RAB11FIP4: variants seen among roughly 807,000 people sequenced by gnomAD.
The protein encoded by RAB11FIP4 is rab11 family-interacting protein 4.
RAB11FIP4 carries 23 observed loss-of-function variants against 74.3 expected under a neutral mutation model. That is an observed-to-expected ratio of 0.31 (90% CI 0.22 to 0.44). RAB11FIP4 has a LOEUF of 0.44. Ranked by LOEUF, RAB11FIP4 falls within the 20% of genes least tolerant of loss-of-function variation. The probability of loss-of-function intolerance (pLI) is 1.00; values close to 1 mark genes in which losing one functional copy is unlikely to be tolerated. For missense variants in RAB11FIP4, 630 were observed against 863.9 expected (o/e 0.73, Z 3.39); for synonymous variants, 360 against 359.9 (o/e 1.00, Z 0.00).
chr17:31,458,918 C>T lies in RAB11FIP4; in HGVS notation c.336+24796C>T, dbSNP rs549706844. ...CCCAGGAGCTGAAGACCTGTGGCTACATGCACAGTCATGTGTGTGAATCTG... is the reference window on the plus strand; with the variant it reads ...CCCAGGAGCTGAAGACCTGTGGCTATATGCACAGTCATGTGTGTGAATCTG... On this transcript the variant is annotated intron_variant, in intron 3 of 14. Coordinates refer to ENST00000621161, the MANE Select transcript of RAB11FIP4 (RefSeq NM_032932.6). 2.4e-4 allele frequency among the ~76,000 whole-genome samples: 37 copies of T among 152,314 alleles called. 1 individual carries two copies. In the South Asian group the frequency reaches 7.5e-3, roughly 31 times the overall value.
chr17:31,507,347 C>T (rs1567682448), intron 3 of RAB11FIP4, among the ~76,000 whole-genome samples: 2 of 152,120 alleles, frequency 1.3e-5, no homozygotes, highest in South Asian at 2.1e-4. Context: ...CACATCCTTG[C>T]CAGCATTTGT....
chr17:31,434,131 T>C lies in RAB11FIP4; in HGVS notation c.336+9T>C. 1 of 1,570,014 alleles carries C rather than the reference T, an allele frequency of 6.4e-7. No homozygotes were observed. The highest frequency in any genetic ancestry group is 1.2e-5 in the South Asian group (1 of 86,106). Reference sequence around the variant, plus strand: ...CAGACTGCGTGGAGCAGGTAAGGCTTGGGGGGCCTCAAGGACCTCCATGGC... The same window carrying C: ...CAGACTGCGTGGAGCAGGTAAGGCTCGGGGGGCCTCAAGGACCTCCATGGC... On this transcript the variant is annotated intron_variant, in intron 3 of 14. Coordinates refer to ENST00000621161, the MANE Select transcript of RAB11FIP4 (RefSeq NM_032932.6).
intron 10 of RAB11FIP4, 49 bp from the exon 11 acceptor site, chr17:31,527,793 G>A: frequency 6.9e-7 from 1 of 1,442,006 alleles, no homozygotes; most frequent in Non-Finnish European, 9.6e-7. Context: ...GCGCTTATCA[G>A]ATAGTCTACA....
intron 1 of RAB11FIP4, among the ~76,000 whole-genome samples, chr17:31,394,421 T>C (rs1365636411): frequency 6.6e-6 from 1 of 152,258 alleles, no homozygotes; most frequent in African/African-American, 2.4e-5. Flanking sequence ...TGTCCATTTT[T>C]GCTGTTTCCT....
intron 3 of RAB11FIP4, among the ~76,000 whole-genome samples, chr17:31,439,882 C>T: frequency 6.6e-6 from 1 of 152,078 alleles, no homozygotes; most frequent in Admixed American, 6.6e-5. Flanking sequence ...GGTGATCTGC[C>T]CACCTCGGCC....
chr17:31,508,206 C>G (rs1052393050), intron 3 of RAB11FIP4, among the ~76,000 whole-genome samples: 2 of 152,138 alleles, frequency 1.3e-5, no homozygotes, highest in Non-Finnish European at 1.5e-5. Context: ...GGAGTGAGAG[C>G]GTCTCCCCAC....
chr17:31,529,963 C>A (rs956093814), intron 13 of RAB11FIP4, among the ~76,000 whole-genome samples: 2 of 152,204 alleles, frequency 1.3e-5, no homozygotes, highest in East Asian at 3.8e-4. Context: ...ATGAGCTGGC[C>A]AGCCTGCCCA....
chr17:31,537,295 C>A lies in RAB11FIP4; in HGVS notation c.*5563C>A. ...GGCCAGCTCTCCCGGGCACATTCGT[C>A]CACAAGGATCAGGCCCCACTTACCC... On this transcript the variant is annotated 3_prime_UTR_variant, in exon 15 of 15. Transcript: ENST00000621161. 2.5e-6 allele frequency: 1 copy of A among 398,614 alleles called. No individual in the cohort carries two copies. The highest frequency in any genetic ancestry group is 1.4e-4 in the South Asian group (1 of 7,362). 24.7% of individuals were successfully genotyped at this position (398,614 alleles called of 1,614,324 possible). A position where few individuals can be genotyped will look rare whatever the true frequency, so the allele number is the denominator to read the frequency against.
chr17:31,431,629 G>A (rs957268229), intron 1 of RAB11FIP4, 184 bp from the exon 2 acceptor site: 7 of 546,116 alleles, frequency 1.3e-5, no homozygotes, highest in East Asian at 7.3e-5. Flanking sequence ...TTCTTTGCCC[G>A]AGTTGTCTGT....
At chr17:31,430,397 G>T (rs574300185) in intron 1 of RAB11FIP4, among the ~76,000 whole-genome samples, 2 of 136,650 alleles carry the variant, frequency 1.5e-5, no homozygotes, top group African/African-American at 5.7e-5. Flanking sequence ...TTGCTCAGTC[G>T]CCCAGGCTGG....
In RAB11FIP4 at chr17:31,531,784, C is replaced by A; in HGVS notation, c.*52C>A. 1 of 1,238,708 alleles carries A rather than the reference C, an allele frequency of 8.1e-7. No homozygotes were observed. The highest frequency in any genetic ancestry group is 1.2e-6 in the Non-Finnish European group (1 of 843,334). The allele number at this position is 1,238,708 out of a possible 1,614,324, so 76.7% of individuals were successfully genotyped here. A position where few individuals can be genotyped will look rare whatever the true frequency, so the allele number is the denominator to read the frequency against. On this transcript the variant is annotated 3_prime_UTR_variant, in exon 15 of 15. Transcript: ENST00000621161. ...TTAGGACCCTGGGACCAAGGGCAGA[C>A]CCTGCCCAAGGATGCAGGCCTAAGC... is the stretch of plus-strand genomic sequence containing the variant.
intron 1 of RAB11FIP4, among the ~76,000 whole-genome samples, chr17:31,423,063 G>A (rs1908591364): frequency 6.6e-6 from 1 of 152,090 alleles, no homozygotes; most frequent in Non-Finnish European, 1.5e-5. Context: ...GGGACTACAG[G>A]TGTCTGCCAC....
chr17:31,452,941 G>C (rs1331600560), intron 3 of RAB11FIP4, among the ~76,000 whole-genome samples: 1 of 152,204 alleles, frequency 6.6e-6, no homozygotes, highest in Admixed American at 6.5e-5. Context: ...AGTGTGGGAT[G>C]GGGCAGCTGA....
At chr17:31,392,294 C>T (rs865951420) in intron 1 of RAB11FIP4, 5 of 272,820 alleles carry the variant, frequency 1.8e-5, no homozygotes, top group African/African-American at 4.4e-5. Context: ...TCCTTCTGAG[C>T]GGTCTGCACA....
At chr17:31,497,194 T>C (rs1057244439) in intron 3 of RAB11FIP4, among the ~76,000 whole-genome samples, 3 of 152,000 alleles carry the variant, frequency 2.0e-5, no homozygotes, top group East Asian at 1.9e-4. Flanking sequence ...TGAAACCCCA[T>C]CTCTACTGAA....
At chr17:31,433,915 G>A (rs2071333510) in intron 2 of RAB11FIP4, 119 bp from the exon 3 acceptor site, 1 of 946,400 alleles carries the variant, frequency 1.1e-6, no homozygotes, top group African/African-American at 1.6e-5. Context: ...CTGGCCTCCT[G>A]GAGCCTCGGG....
intron 3 of RAB11FIP4, among the ~76,000 whole-genome samples, chr17:31,497,623 G>A (rs2072142181): frequency 1.3e-5 from 2 of 152,088 alleles, no homozygotes; most frequent in African/African-American, 4.8e-5. Flanking sequence ...CTACAGGGGT[G>A]CACATGACAA....
At chr17:31,459,944 C>G (rs899972318) in intron 3 of RAB11FIP4, among the ~76,000 whole-genome samples, 1 of 152,216 alleles carries the variant, frequency 6.6e-6, no homozygotes, top group Non-Finnish European at 1.5e-5. Context: ...ACACAGAGTG[C>G]TCTGGAAATT....
intron 1 of RAB11FIP4, among the ~76,000 whole-genome samples, chr17:31,399,886 T>C (rs933699702): frequency 1.3e-5 from 2 of 151,260 alleles, no homozygotes; most frequent in African/African-American, 4.9e-5. Flanking sequence ...CTATTAAAAA[T>C]ACAAGAATTA....
Sources: allele counts gnomAD v4.1 joint callset (sites outside exome capture counted in the v4.1 genomes callset), GRCh38; gene constraint gnomAD v4.1.1; transcripts MANE v1.5; gene names NCBI Gene and HGNC (gene_info 2026-07-23, HGNC 2026-07-21).